The following ABR variants were observed in gnomAD, a reference collection of about 807,000 sequenced individuals.
ABR encodes active breakpoint cluster region-related protein.
ABR carries 35 observed loss-of-function variants against 107.2 expected under a neutral mutation model. The ratio of observed to expected loss-of-function variants is 0.33; its 90% CI spans 0.25 to 0.43. ABR has a LOEUF of 0.43. ABR is among the 20% of genes least tolerant of loss of function. The pLI, the probability that ABR is intolerant of heterozygous loss-of-function variation, is 1.00. For synonymous variants in ABR, 498 were observed against 462.0 expected (o/e 1.08, Z -1.00); for missense variants, 815 against 1,115.2 (o/e 0.73, Z 3.83).
At chr17:1,117,575 C>T (rs1406795388) in intron 2 of ABR, among the ~76,000 whole-genome samples, 2 of 8,862 alleles carry the variant, frequency 2.3e-4, no homozygotes, top group East Asian at 2.0e-3. Flanking sequence ...TCCCTGAGCC[C>T]GAGTTCCTCC....
chr17:1,224,177 A>G (rs890186612), intron 1 of ABR, among the ~76,000 whole-genome samples: 1 of 152,122 alleles, frequency 6.6e-6, no homozygotes, highest in East Asian at 1.9e-4. Context: ...GCACCACCCA[A>G]CACAGCTGAT....
chr17:1,072,154 C>T (rs2035290467), intron 8 of ABR, among the ~76,000 whole-genome samples: 1 of 152,216 alleles, frequency 6.6e-6, no homozygotes, highest in African/African-American at 2.4e-5. Flanking sequence ...CCACCTGCCT[C>T]AGCCTCCCAA....
intron 4 of ABR, among the ~76,000 whole-genome samples, chr17:1,088,699 C>T (rs1193322175): frequency 6.6e-6 from 1 of 151,812 alleles, no homozygotes; most frequent in African/African-American, 2.4e-5. Context: ...GATTCTCCCA[C>T]CTCAGCCTCC....
chr17:1,113,561 A>G (rs1295340591), intron 2 of ABR, among the ~76,000 whole-genome samples: 2 of 152,032 alleles, frequency 1.3e-5, no homozygotes, highest in Non-Finnish European at 2.9e-5. Context: ...GGCTGGGATT[A>G]CAGGTGTGAG....
chr17:1,119,501 T>G (rs1413474152), intron 2 of ABR, among the ~76,000 whole-genome samples: 1 of 151,184 alleles, frequency 6.6e-6, no homozygotes, highest in Non-Finnish European at 1.5e-5. Context: ...CCTCCCAGCG[T>G]TATCCCTGAG....
intron 5 of ABR, among the ~76,000 whole-genome samples, chr17:1,079,788 C>CAAAAAAAAAAAAAAAAAAA (rs57412625): frequency 5.4e-5 from 3 of 55,110 alleles, no homozygotes; most frequent in Non-Finnish European, 1.1e-4. Flanking sequence ...GACTCTGTCT[C>CAAAAAAAAAAAAAAAAAAA]AAAAAAAAAA....
At chr17:1,079,521 G>A in intron 5 of ABR, 131 bp from the exon 6 acceptor site, 2 of 835,442 alleles carry the variant, frequency 2.4e-6, no homozygotes, top group Non-Finnish European at 3.9e-6. Context: ...GGGTGTGGCG[G>A]CTCACGCCAG....
intron 16 of ABR, among the ~76,000 whole-genome samples, chr17:1,026,208 C>T (rs1597426946): frequency 6.6e-6 from 1 of 152,238 alleles, no homozygotes; most frequent in African/African-American, 2.4e-5. Context: ...GGGATGTACT[C>T]GCGGGCACAC....
chr17:1,122,826 A>G (rs770204021), intron 2 of ABR, among the ~76,000 whole-genome samples: 7 of 152,168 alleles, frequency 4.6e-5, no homozygotes, highest in Non-Finnish European at 8.8e-5. Flanking sequence ...TAACACAAAG[A>G]CTCAACCTTG....
chr17:1,169,598 G>C (rs527780250), intron 1 of ABR, among the ~76,000 whole-genome samples: 1 of 152,162 alleles, frequency 6.6e-6, no homozygotes, highest in Admixed American at 6.5e-5. Flanking sequence ...CTCTCCGTGG[G>C]GGACTCTCTG....
At chr17:1,127,251 A>C (rs540729253) in intron 1 of ABR, among the ~76,000 whole-genome samples, 32 of 151,130 alleles carry the variant, frequency 2.1e-4, no homozygotes, top group African/African-American at 7.4e-4. Flanking sequence ...CACTGAGATG[A>C]GTGTACACCA....
At chr17:1,094,474 G>C (rs976383791) in intron 3 of ABR, among the ~76,000 whole-genome samples, 1 of 151,444 alleles carries the variant, frequency 6.6e-6, no homozygotes, top group Admixed American at 6.6e-5. Context: ...AGGTTCAAGC[G>C]ATTCTCCTGC....
exon 1 of ABR, chr17:1,228,883 G>C (rs1392156831): frequency 6.6e-6 from 1 of 151,746 alleles, no homozygotes; most frequent in Non-Finnish European, 1.5e-5. Context: ...TCCCGCTCGG[G>C]CACCCGCAGG....
At chr17:1,019,563 C>T (rs1326054929) in intron 16 of ABR, among the ~76,000 whole-genome samples, 6 of 151,484 alleles carry the variant, frequency 4.0e-5, no homozygotes, top group Admixed American at 3.3e-4. Flanking sequence ...CTGACAACGA[C>T]GCTCTGTTTC....
chr17:1,069,383 G>C (rs562806625), intron 9 of ABR, among the ~76,000 whole-genome samples: 2 of 152,290 alleles, frequency 1.3e-5, no homozygotes, highest in South Asian at 4.1e-4. Context: ...GAAAAAACCG[G>C]CCAGGCGCGG....
At position 1,076,502 on chromosome 17, in the gene ABR, C is replaced by T. The variant is rs375689741; in HGVS notation, c.701-2825G>A. ...CCTGCCAGGGTGGGCTCCGGAGTGG[C>T]GGCTCCACAGAAAGCTGACACTGCA... On this transcript the variant is annotated intron_variant, in intron 6 of 22. Transcript: ENST00000302538. Among the ~76,000 whole-genome samples the T allele has an allele frequency of 7.2e-5, 11 of 152,160 alleles. No homozygotes were observed. The South Asian group carries it at 1.7e-3, about 23-fold the overall frequency.
intron 3 of ABR, among the ~76,000 whole-genome samples, chr17:1,096,345 G>A (rs1246255778): frequency 6.6e-6 from 1 of 152,168 alleles, no homozygotes; most frequent in Non-Finnish European, 1.5e-5. Context: ...GGTGGGAATG[G>A]GGTCAGGAGT....
intron 16 of ABR, among the ~76,000 whole-genome samples, chr17:1,018,231 A>C (rs1042534398): frequency 2.0e-5 from 3 of 151,340 alleles, no homozygotes; most frequent in Admixed American, 6.6e-5. Context: ...TTTAGTAGAG[A>C]CGGGGTTTCA....
At chr17:1,028,144 G>C (rs1403782569) in intron 16 of ABR, among the ~76,000 whole-genome samples, 1 of 152,116 alleles carries the variant, frequency 6.6e-6, no homozygotes, top group Admixed American at 6.5e-5. Flanking sequence ...AGGCTGGAGT[G>C]CAGTGGCATG....
Sources: gnomAD v4.1 joint callset for allele counts (sites outside exome capture counted in the v4.1 genomes callset) on GRCh38, gnomAD v4.1.1 for gene constraint, MANE v1.5 for transcripts, NCBI Gene and HGNC (gene_info 2026-07-23, HGNC 2026-07-21) for gene names.